The following LMBRD1 variants were observed in gnomAD, a reference collection of about 807,000 sequenced individuals.
LMBRD1 encodes lysosomal cobalamin transport escort protein LMBD1.
Under a neutral mutation model 74.8 loss-of-function variants are expected in LMBRD1, and 64 were observed. The observed-to-expected ratio is 0.86, with a 90% confidence interval of 0.70 to 1.05. The LOEUF (loss-of-function observed/expected upper bound fraction) is 1.05, where lower values mean the gene tolerates loss of function less well. Ranked by LOEUF, LMBRD1 falls within the 50% of genes least tolerant of loss-of-function variation. The pLI is 0.00. For synonymous variants in LMBRD1, 204 were observed against 216.3 expected, an observed-to-expected ratio of 0.94 and a Z score of 0.50; for missense variants, 652 against 645.9, an observed-to-expected ratio of 1.01 and a Z score of -0.10.
intron 9 of LMBRD1, among the ~76,000 whole-genome samples, chr6:69,704,469 ACCTAAATGGT>A (rs1432250225): frequency 6.6e-6 from 1 of 152,090 alleles, no homozygotes; most frequent in African/African-American, 2.4e-5. Context: ...TTATTTTGAT[ACCTAAATGGT>A]CCCAGATTTA....
rs766864176 is a variant in LMBRD1, at chr6:69,674,701, G to A, written c.*1457C>T. ...AAGAAAATGTAATATAAGGCCGAGC[G>A]TGGTGGCTTATGCCTGTAATCCCAG... is the stretch of plus-strand genomic sequence containing the variant. On this transcript the variant is annotated 3_prime_UTR_variant, in exon 16 of 16. Coordinates refer to ENST00000649934, the MANE Select transcript of LMBRD1 (RefSeq NM_018368.4). Among the ~76,000 whole-genome samples, 5 of 152,182 alleles carry A rather than the reference G, an allele frequency of 3.3e-5. No individual in the cohort carries two copies. The highest frequency in any genetic ancestry group is 1.9e-4 in the East Asian group (1 of 5,190).
intron 4 of LMBRD1, among the ~76,000 whole-genome samples, chr6:69,751,252 A>G (rs974053763): frequency 6.6e-6 from 1 of 152,108 alleles, no homozygotes; most frequent in African/African-American, 2.4e-5. Flanking sequence ...TGTTTATACC[A>G]ATACTTAAGT....
At chr6:69,682,525 T>C (rs1765684793) in intron 14 of LMBRD1, among the ~76,000 whole-genome samples, 1 of 151,950 alleles carries the variant, frequency 6.6e-6, no homozygotes, top group African/African-American at 2.4e-5. Flanking sequence ...TTATTACTAA[T>C]TGGCCATATA....
chr6:69,744,866 C>T (rs1038396622), intron 5 of LMBRD1, among the ~76,000 whole-genome samples: 1 of 148,844 alleles, frequency 6.7e-6, no homozygotes, highest in Non-Finnish European at 1.5e-5. Flanking sequence ...TTTTTTAAGA[C>T]GGAATCTCAC....
chr6:69,741,639 T>A, intron 6 of LMBRD1, 150 bp downstream of exon 6: 24 of 389,768 alleles, frequency 6.2e-5, no homozygotes, highest in East Asian at 1.9e-4. Flanking sequence ...CCCCCACCCC[T>A]CGGCCTCCCA....
At chr6:69,777,421 C>T (rs1311663353) in intron 3 of LMBRD1, among the ~76,000 whole-genome samples, 11 of 144,498 alleles carry the variant, frequency 7.6e-5, no homozygotes, top group African/African-American at 1.3e-4. Flanking sequence ...CTTCAGCCTG[C>T]GCAACAGAGC....
chr6:69,692,433 T>C (rs1166839412), intron 14 of LMBRD1, among the ~76,000 whole-genome samples: 3 of 152,122 alleles, frequency 2.0e-5, no homozygotes, highest in South Asian at 2.1e-4. Flanking sequence ...ATAACAAAGA[T>C]AAAATAATTA....
intron 2 of LMBRD1, 132 bp from the exon 3 acceptor site, chr6:69,780,686 A>G (rs1485119771): frequency 1.0e-5 from 7 of 700,466 alleles, no homozygotes; most frequent in Non-Finnish European, 1.8e-5. Context: ...TATGTCTTCA[A>G]TAAGTGAGAG....
intron 12 of LMBRD1, among the ~76,000 whole-genome samples, chr6:69,699,677 G>A (rs1188602012): frequency 6.6e-6 from 1 of 151,540 alleles, no homozygotes; most frequent in Non-Finnish European, 1.5e-5. Context: ...TATACTAAAG[G>A]GAAATGAAAA....
rs762990147 is a variant in LMBRD1 at position 69,796,823 on chromosome 6, A to T, written c.59T>A (p.Leu20His). ...AAGCGCCTCCCCTACCAGTAGTAAG[A>T]GGCCGAATATGCACCAGCCGATCAC... ...ELVIGWCIFG[L>H]LLLAILAFCW... Residue 20 changes from leucine (L) to histidine (H), a missense_variant, in exon 1 of 16, where the codon CTC becomes CAC. Leu to His is a moderately conservative substitution (Grantham distance 99). Coordinates refer to ENST00000649934, the MANE Select transcript of LMBRD1 (RefSeq NM_018368.4). The T allele has an allele frequency of 6.2e-6, 10 of 1,613,620 alleles. No homozygotes were observed. The highest frequency in any genetic ancestry group is 5.9e-6 in the Non-Finnish European group (7 of 1,179,930).
At chr6:69,703,414 C>A (rs1766176806) in intron 9 of LMBRD1, among the ~76,000 whole-genome samples, 1 of 145,132 alleles carries the variant, frequency 6.9e-6, no homozygotes, top group African/African-American at 2.6e-5. Flanking sequence ...ATAGAAACAG[C>A]ATTTGAAGTT....
At position 69,734,465 on chromosome 6, in the gene LMBRD1, G is replaced by A. The variant is rs1766930931; in HGVS notation, c.636+3477C>T. On this transcript the variant is annotated intron_variant, in intron 7 of 15. Coordinates refer to ENST00000649934, the MANE Select transcript of LMBRD1 (RefSeq NM_018368.4). ...GGCTGGAGTGAAATGGCGCAATCTC[G>A]GCTCACTGCAACCTCTGCCTGCCGA... Among the ~76,000 whole-genome samples the A allele has an allele frequency of 2.6e-5, 4 of 151,496 alleles. No homozygotes were observed. The South Asian group carries it at 8.4e-4, about 32-fold the overall frequency.
chr6:69,796,937 A>G lies in LMBRD1; in HGVS notation c.-56T>C. 1 of 1,490,444 alleles carries G rather than the reference A, an allele frequency of 6.7e-7. No individual in the cohort carries two copies. The highest frequency in any genetic ancestry group is 1.2e-5 in the South Asian group (1 of 86,752). The allele number at this position is 1,490,444 out of a possible 1,614,324, so 92.3% of individuals were successfully genotyped here. On this transcript the variant is annotated 5_prime_UTR_variant, in exon 1 of 16. Transcript: ENST00000649934. ...CCCGGGGTGGGGAAAGGGGAGGGGG[A>G]AAGGGGAGAGAGCGCGAGATATACT...
At chr6:69,693,460 T>C (rs1008141807) in intron 14 of LMBRD1, among the ~76,000 whole-genome samples, 3 of 152,046 alleles carry the variant, frequency 2.0e-5, no homozygotes, top group African/African-American at 7.2e-5. Context: ...CAGCAACATA[T>C]GGATTTTTAG....
intron 14 of LMBRD1, among the ~76,000 whole-genome samples, chr6:69,678,464 G>C (rs1053150779): frequency 6.6e-6 from 1 of 152,126 alleles, no homozygotes; most frequent in East Asian, 1.9e-4. Flanking sequence ...AACCCATGCA[G>C]TTCAAACTTG....
chr6:69,690,978 C>A (rs1329522206), intron 14 of LMBRD1, among the ~76,000 whole-genome samples: 2 of 152,020 alleles, frequency 1.3e-5, no homozygotes, highest in Admixed American at 1.3e-4. Flanking sequence ...ATTATAATGC[C>A]ATAGTATTCT....
intron 7 of LMBRD1, among the ~76,000 whole-genome samples, chr6:69,728,303 G>A (rs571821154): frequency 6.6e-6 from 1 of 152,214 alleles, no homozygotes; most frequent in East Asian, 1.9e-4. Context: ...CTTCCCACCA[G>A]GCCACACCGC....
At chr6:69,782,151 T>A (rs1230307409) in intron 2 of LMBRD1, among the ~76,000 whole-genome samples, 1 of 152,184 alleles carries the variant, frequency 6.6e-6, no homozygotes, top group African/African-American at 2.4e-5. Context: ...ATCCTAAAAA[T>A]ATTCACACAA....
chr6:69,756,528 C>T (rs1765270082), intron 3 of LMBRD1, among the ~76,000 whole-genome samples: 2 of 152,260 alleles, frequency 1.3e-5, no homozygotes, highest in South Asian at 4.1e-4. Flanking sequence ...CTAACATTAT[C>T]ATACTTTACT....
Sources: gnomAD v4.1 joint callset for allele counts (sites outside exome capture counted in the v4.1 genomes callset) on GRCh38, gnomAD v4.1.1 for gene constraint, MANE v1.5 for transcripts, NCBI Gene and HGNC (gene_info 2026-07-23, HGNC 2026-07-21) for gene names.